The following PTPRA variants were observed in gnomAD, a reference collection of about 807,000 sequenced individuals.
PTPRA encodes protein tyrosine phosphatase receptor type A.
In PTPRA, 25 loss-of-function variants were observed where a neutral mutation model predicts 104.8. That is an observed-to-expected ratio of 0.24 (90% CI 0.17 to 0.33). PTPRA has a LOEUF of 0.33. Ranked by LOEUF, PTPRA falls within the 10% of genes least tolerant of loss-of-function variation. PTPRA has a pLI of 1.00. For missense variants in PTPRA, 765 were observed against 1,015.3 expected, an observed-to-expected ratio of 0.75 and a Z score of 3.35; for synonymous variants, 323 against 368.9, an observed-to-expected ratio of 0.88 and a Z score of 1.43.
intron 6 of PTPRA, among the ~76,000 whole-genome samples, chr20:2,979,523 T>C (rs1243003815): frequency 6.6e-6 from 1 of 152,204 alleles, no homozygotes; most frequent in Non-Finnish European, 1.5e-5. Context: ...TATTTAGCCT[T>C]TCTTTTTTTG....
At chr20:2,995,277 T>G (rs1055845076) in intron 9 of PTPRA, among the ~76,000 whole-genome samples, 3 of 148,708 alleles carry the variant, frequency 2.0e-5, no homozygotes, top group Admixed American at 2.0e-4. Context: ...ATTTATTAGC[T>G]CTTTACTTTT....
chr20:2,961,485 A>AT (rs2061753299), intron 3 of PTPRA, among the ~76,000 whole-genome samples: 1 of 151,744 alleles, frequency 6.6e-6, no homozygotes, highest in Non-Finnish European at 1.5e-5. Context: ...TCTGGTTGTT[A>AT]TTTTTCTTGT....
the PTPRA span, chr20:2,865,363 T>C: frequency 1.9e-6 from 3 of 1,613,918 alleles, no homozygotes; most frequent in East Asian, 6.7e-5. This position sits in a 1 kb window ranked among gnomAD's most constrained non-coding sequence, Gnocchi z 5.2. Flanking sequence ...ACCACCTGCC[T>C]CTCCTGCAAC....
At chr20:2,923,375 C>T in intron 2 of PTPRA, 90 bp downstream of exon 2, 1 of 944,484 alleles carries the variant, frequency 1.1e-6, no homozygotes, top group Non-Finnish European at 1.4e-6. Context: ...TTTCCTGCTT[C>T]ATTTCGTTTC....
chr20:3,019,243 G>A (rs1334520221), intron 13 of PTPRA, among the ~76,000 whole-genome samples: 1 of 150,462 alleles, frequency 6.6e-6, no homozygotes, highest in Non-Finnish European at 1.5e-5. Flanking sequence ...CGGCTGGCCG[G>A]GCGGGGGGCT....
chr20:3,006,391 C>G (rs2063871592), intron 10 of PTPRA, among the ~76,000 whole-genome samples: 1 of 152,108 alleles, frequency 6.6e-6, no homozygotes, highest in South Asian at 2.1e-4. Flanking sequence ...GTTACCCAGC[C>G]TGGTCTCAAA....
At chr20:2,939,436 A>T (rs2060823755) in intron 2 of PTPRA, among the ~76,000 whole-genome samples, 2 of 152,178 alleles carry the variant, frequency 1.3e-5, no homozygotes, top group African/African-American at 2.4e-5. Flanking sequence ...GTTGTGTTGG[A>T]AGGCAGAATG....
At chr20:2,946,987 A>C (rs1600154241) in intron 2 of PTPRA, among the ~76,000 whole-genome samples, 1 of 152,188 alleles carries the variant, frequency 6.6e-6, no homozygotes, top group Non-Finnish European at 1.5e-5. Flanking sequence ...ATGAGAAAGG[A>C]GGGTGAGAAG....
chr20:2,900,601 A>G (rs1041045800), intron 1 of PTPRA, among the ~76,000 whole-genome samples: 1 of 152,164 alleles, frequency 6.6e-6, no homozygotes, highest in African/African-American at 2.4e-5. Flanking sequence ...CATGCCTGTA[A>G]TCCCAGCACT....
chr20:2,999,976 C>A (rs145572075), intron 9 of PTPRA, among the ~76,000 whole-genome samples: 1 of 152,096 alleles, frequency 6.6e-6, no homozygotes, highest in Non-Finnish European at 1.5e-5. Flanking sequence ...ATATAAAGAA[C>A]TTCTACAAAT....
chr20:2,941,744 A>T (rs2060930590), intron 2 of PTPRA, among the ~76,000 whole-genome samples: 1 of 151,948 alleles, frequency 6.6e-6, no homozygotes, highest in African/African-American at 2.4e-5. Flanking sequence ...CTTCTTTCAG[A>T]CCCTGCTCCT....
chr20:2,922,500 T>G (rs1474725567), intron 1 of PTPRA, among the ~76,000 whole-genome samples: 1 of 151,948 alleles, frequency 6.6e-6, no homozygotes, highest in African/African-American at 2.4e-5. Context: ...CCACCGTGCC[T>G]GGCTAATTTT....
At chr20:2,961,025 C>T (rs908702701) in intron 3 of PTPRA, among the ~76,000 whole-genome samples, 5 of 152,038 alleles carry the variant, frequency 3.3e-5, no homozygotes, top group East Asian at 1.9e-4. Flanking sequence ...TTTATCCATT[C>T]GCCTGCTGAA....
At chr20:3,004,721 C>G (rs1482437770) in intron 9 of PTPRA, among the ~76,000 whole-genome samples, 3 of 152,198 alleles carry the variant, frequency 2.0e-5, no homozygotes, top group Non-Finnish European at 4.4e-5. Context: ...AGGTATGTCC[C>G]CATTCCAATT....
chr20:2,865,820 G>C, the PTPRA span: 1 of 467,736 alleles, frequency 2.1e-6, no homozygotes, highest in East Asian at 4.1e-5. This position sits in a 1 kb window ranked among gnomAD's most constrained non-coding sequence, Gnocchi z 5.2. Flanking sequence ...GTGCATATGG[G>C]AGGCAGTGGA....
At chr20:2,967,470 A>G (rs1051246705) in intron 5 of PTPRA, among the ~76,000 whole-genome samples, 2 of 152,178 alleles carry the variant, frequency 1.3e-5, no homozygotes, top group Non-Finnish European at 2.9e-5. Context: ...TAATTATGAA[A>G]TATTCATTGC....
the PTPRA span, chr20:2,864,337 A>G: frequency 1.9e-6 from 3 of 1,613,940 alleles, no homozygotes; most frequent in Non-Finnish European, 2.5e-6. This position sits in a 1 kb window ranked among gnomAD's most constrained non-coding sequence, Gnocchi z 5.2. Flanking sequence ...CCTGGCTGGA[A>G]TTCCCACTCC....
At chr20:2,892,511 C>G (rs752121712) in intron 1 of PTPRA, among the ~76,000 whole-genome samples, 9 of 152,076 alleles carry the variant, frequency 5.9e-5, no homozygotes, top group Non-Finnish European at 1.2e-4. Flanking sequence ...GTGACAATTT[C>G]TCATGGTGCT....
chr20:2,971,981 G>A (rs528125972), intron 5 of PTPRA, among the ~76,000 whole-genome samples: 89 of 151,910 alleles, frequency 5.9e-4, no homozygotes, highest in African/African-American at 2.1e-3. Flanking sequence ...CTACAGGCAC[G>A]CACCACCATG....
Sources: allele counts gnomAD v4.1 joint callset (sites outside exome capture counted in the v4.1 genomes callset), GRCh38; gene constraint gnomAD v4.1.1; non-coding constraint Gnocchi (gnomAD v3.1); transcripts MANE v1.5; gene names NCBI Gene and HGNC (gene_info 2026-07-23, HGNC 2026-07-21).